The following STIMATE variants were observed in gnomAD, a reference collection of about 807,000 sequenced individuals.
The protein encoded by STIMATE is STIM activating enhancer.
A neutral mutation model predicts 36.7 loss-of-function variants in STIMATE; 15 were observed. That is an observed-to-expected ratio of 0.41 (90% CI 0.27 to 0.63). The LOEUF (loss-of-function observed/expected upper bound fraction) is 0.63, where lower values mean the gene tolerates loss of function less well. STIMATE is among the 20% of genes least tolerant of loss of function. STIMATE has a pLI of 0.32. For synonymous variants in STIMATE, 163 were observed against 162.3 expected (o/e 1.00, Z -0.03); for missense variants, 305 against 397.3 (o/e 0.77, Z 1.98).
intron 1 of STIMATE, among the ~76,000 whole-genome samples, chr3:52,882,960 T>C (rs143785661): frequency 1.1e-3 from 166 of 152,304 alleles, no homozygotes; most frequent in African/African-American, 3.9e-3. Context: ...CCTGCACTGC[T>C]TCTCACTGTA....
intron 1 of STIMATE, among the ~76,000 whole-genome samples, chr3:52,882,259 A>C (rs1184374157): frequency 6.6e-6 from 1 of 152,222 alleles, no homozygotes; most frequent in East Asian, 1.9e-4. Context: ...GCAGGGAGGA[A>C]GCAAGCAAGT....
At chr3:52,840,697 CAT>C (rs1700781960) in intron 7 of STIMATE, 87 bp from the exon 8 acceptor site, 1 of 1,003,554 alleles carries the variant, frequency 1.0e-6, no homozygotes, top group South Asian at 1.7e-5. Flanking sequence ...CTTCAAGTCT[CAT>C]GTTTTTTTTT....
chr3:52,880,122 AAGCAT>A (rs1701576882), intron 1 of STIMATE, among the ~76,000 whole-genome samples: 1 of 152,214 alleles, frequency 6.6e-6, no homozygotes, highest in South Asian at 2.1e-4. Flanking sequence ...CAGAAAGGCC[AAGCAT>A]AGTTCATGAG....
At chr3:52,860,647 C>A (rs1701202211) in intron 1 of STIMATE, among the ~76,000 whole-genome samples, 1 of 152,212 alleles carries the variant, frequency 6.6e-6, no homozygotes, top group South Asian at 2.1e-4. Flanking sequence ...GAGACAACCA[C>A]CCACTCCCAT....
intron 1 of STIMATE, among the ~76,000 whole-genome samples, chr3:52,859,531 A>AAAAAAAT (rs748928249): frequency 1.1e-4 from 2 of 18,810 alleles, no homozygotes; most frequent in Non-Finnish European, 2.3e-4. Flanking sequence ...AAAAAAAAAA[A>AAAAAAAT]TTTTTTTTTT....
At chr3:52,881,479 C>T (rs1223069688) in intron 1 of STIMATE, among the ~76,000 whole-genome samples, 4 of 151,926 alleles carry the variant, frequency 2.6e-5, no homozygotes, top group Admixed American at 1.3e-4. Context: ...CCAAGGCGGG[C>T]GGATCATGAG....
intron 1 of STIMATE, among the ~76,000 whole-genome samples, chr3:52,860,150 C>A (rs1275190100): frequency 2.0e-5 from 3 of 146,678 alleles, no homozygotes; most frequent in Admixed American, 2.0e-4. Flanking sequence ...CAGAAAAATT[C>A]ATTCATCTAC....
chr3:52,839,691 C>T lies in STIMATE; in HGVS notation c.*803G>A, dbSNP rs139955188. The stretch of plus-strand genomic sequence containing the variant: ...TCTAGAGAAGGGCCATCCTCCTTCC[C>T]TCCCCATCATTTGTCTCATCTTATC... On this transcript the variant is annotated 3_prime_UTR_variant, in exon 8 of 8. Coordinates refer to ENST00000355083, the MANE Select transcript of STIMATE (RefSeq NM_198563.5). The T allele has an allele frequency of 6.6e-6, 1 of 152,256 alleles. No individual in the cohort carries two copies. Among genetic ancestry groups the T allele is most frequent in the Non-Finnish European group, 1.5e-5 (1 of 68,030 alleles). 9.4% of individuals were successfully genotyped at this position (152,256 alleles called of 1,614,324 possible).
intron 1 of STIMATE, among the ~76,000 whole-genome samples, chr3:52,878,093 T>TAAAA (rs532307762): frequency 8.9e-6 from 1 of 112,490 alleles, no homozygotes. Flanking sequence ...GACTCCGTCT[T>TAAAA]AAAAAAAAAA....
At chr3:52,894,431 A>G (rs1227482544) in intron 1 of STIMATE, among the ~76,000 whole-genome samples, 1 of 152,220 alleles carries the variant, frequency 6.6e-6, no homozygotes, top group Non-Finnish European at 1.5e-5. Context: ...AACCCTACAT[A>G]GTAAGGCAAG....
chr3:52,880,530 C>T (rs1701585490), intron 1 of STIMATE, among the ~76,000 whole-genome samples: 1 of 152,180 alleles, frequency 6.6e-6, no homozygotes, highest in African/African-American at 2.4e-5. Context: ...GGGGAAAAAC[C>T]CAGTGGGAGT....
At chr3:52,887,379 C>G (rs1355303556) in intron 1 of STIMATE, among the ~76,000 whole-genome samples, 1 of 152,206 alleles carries the variant, frequency 6.6e-6, no homozygotes, top group African/African-American at 2.4e-5. Context: ...GGCTGGTGGA[C>G]CGGACCCAGG....
At chr3:52,840,678 C>T (rs1165840616) in intron 7 of STIMATE, 68 bp from the exon 8 acceptor site, 3 of 1,421,824 alleles carry the variant, frequency 2.1e-6, no homozygotes, top group South Asian at 1.3e-5. Context: ...CCTCCCTGGA[C>T]CCTGGGCCCT....
intron 1 of STIMATE, among the ~76,000 whole-genome samples, chr3:52,888,186 A>G (rs1701725448): frequency 6.6e-6 from 1 of 151,594 alleles, no homozygotes. Context: ...TTTTTGCTCC[A>G]GGGCTTGGAC....
intron 1 of STIMATE, among the ~76,000 whole-genome samples, chr3:52,894,751 T>C (rs1001077546): frequency 1.3e-5 from 2 of 151,930 alleles, no homozygotes; most frequent in African/African-American, 2.4e-5. Context: ...CAGGAAACAA[T>C]AGTGTTGGCC....
At chr3:52,850,109 G>C (rs1348739365) in intron 3 of STIMATE, among the ~76,000 whole-genome samples, 196 bp from the exon 4 acceptor site, 3 of 152,214 alleles carry the variant, frequency 2.0e-5, no homozygotes, top group Non-Finnish European at 4.4e-5. Flanking sequence ...CCACCTGAGG[G>C]AGGTGAGTGA....
chr3:52,895,048 G>A (rs1701843848), intron 1 of STIMATE, among the ~76,000 whole-genome samples: 2 of 152,334 alleles, frequency 1.3e-5, no homozygotes, highest in South Asian at 4.1e-4. Context: ...GCCCCTCCTG[G>A]CAGCTCCGCC....
At chr3:52,879,899 T>A (rs532603229) in intron 1 of STIMATE, among the ~76,000 whole-genome samples, 2 of 152,276 alleles carry the variant, frequency 1.3e-5, no homozygotes, top group East Asian at 3.9e-4. Flanking sequence ...CTCTGAACCC[T>A]AGCTACATGA....
In STIMATE at chr3:52,857,089, G is replaced by T. The variant is rs75482038; in HGVS notation, c.161-1645C>A. On this transcript the variant is annotated intron_variant, in intron 1 of 7. Coordinates refer to ENST00000355083, the MANE Select transcript of STIMATE (RefSeq NM_198563.5). Reference sequence around the variant, plus strand: ...TGCCAGCGAGGGTGCAGGAGGAGAAGGGAGACAGGGAAGGAGAAAATGGTA... The same window carrying T: ...TGCCAGCGAGGGTGCAGGAGGAGAATGGAGACAGGGAAGGAGAAAATGGTA... Among the ~76,000 whole-genome samples, 9 of 152,208 alleles carry T rather than the reference G, an allele frequency of 5.9e-5. No homozygotes were observed. In the East Asian group the frequency reaches 1.7e-3, roughly 29 times the overall value.
Sources: allele counts gnomAD v4.1 joint callset (sites outside exome capture counted in the v4.1 genomes callset), GRCh38; gene constraint gnomAD v4.1.1; transcripts MANE v1.5; gene names NCBI Gene and HGNC (gene_info 2026-07-23, HGNC 2026-07-21).